The following RPS6KA2 variants were observed in gnomAD, a reference collection of about 807,000 sequenced individuals.
The protein encoded by RPS6KA2 is ribosomal protein S6 kinase alpha-2.
A neutral mutation model predicts 91.8 loss-of-function variants in RPS6KA2; 42 were observed. That is an observed-to-expected ratio of 0.46 (90% CI 0.36 to 0.59). The LOEUF (loss-of-function observed/expected upper bound fraction) is 0.59, where lower values mean the gene tolerates loss of function less well. Among genes scored for constraint, RPS6KA2 ranks in the 20% least tolerant of loss-of-function variants. The probability of loss-of-function intolerance (pLI) is 0.00; values close to 1 mark genes in which losing one functional copy is unlikely to be tolerated. For missense variants in RPS6KA2, 798 were observed against 978.5 expected, an observed-to-expected ratio of 0.82 and a Z score of 2.46; for synonymous variants, 414 against 393.6, an observed-to-expected ratio of 1.05 and a Z score of -0.61.
chr6:166,795,890 G>A (rs1779210536), intron 2 of RPS6KA2, among the ~76,000 whole-genome samples: 1 of 152,332 alleles, frequency 6.6e-6, no homozygotes, highest in Admixed American at 6.5e-5. Context: ...CCAGGCAGTG[G>A]GCTGAGTTGT....
At position 166,563,105 on chromosome 6, in the gene RPS6KA2, T is replaced by C. The variant is rs888523478; in HGVS notation, c.100-24321A>G. Among the ~76,000 whole-genome samples, 1 of 152,154 alleles carries C rather than the reference T, an allele frequency of 6.6e-6. No homozygotes were observed. The highest frequency in any genetic ancestry group is 2.4e-5 in the African/African-American group (1 of 41,430). On this transcript the variant is annotated intron_variant, in intron 1 of 20. Coordinates refer to ENST00000265678, the MANE Select transcript of RPS6KA2 (RefSeq NM_021135.6). This position sits in a 1 kb window ranked among gnomAD's most constrained non-coding sequence, Gnocchi z 4.1. ...TTAGTCCTTGGAGTCCCTTCCAGTG[T>C]GTGGAAGAGATCCAGCCTGCAATGA...
intron 1 of RPS6KA2, among the ~76,000 whole-genome samples, chr6:166,564,454 G>A (rs552375272): frequency 9.9e-5 from 15 of 152,272 alleles, no homozygotes; most frequent in Admixed American, 6.5e-4. Flanking sequence ...CTTCTGTGCC[G>A]CTCTTCCAAA....
exon 1 of RPS6KA2, chr6:166,862,271 A>T: frequency 3.8e-6 from 6 of 1,595,004 alleles, no homozygotes; most frequent in Non-Finnish European, 5.1e-6. Context: ...GGATGTCGGA[A>T]GCCAAGGGAC....
intron 2 of RPS6KA2, among the ~76,000 whole-genome samples, chr6:166,536,784 A>T (rs996616509): frequency 2.0e-5 from 3 of 152,038 alleles, no homozygotes; most frequent in Non-Finnish European, 4.4e-5. Context: ...TCCCCTACCT[A>T]CTACTGTTCT....
chr6:166,564,280 C>G (rs1784428125), intron 1 of RPS6KA2, among the ~76,000 whole-genome samples: 1 of 152,230 alleles, frequency 6.6e-6, no homozygotes, highest in African/African-American at 2.4e-5. Context: ...CAAATCCTTA[C>G]CGTTTCTGCC....
intron 2 of RPS6KA2, among the ~76,000 whole-genome samples, chr6:166,769,138 G>C (rs1265886647): frequency 6.6e-6 from 1 of 152,200 alleles, no homozygotes; most frequent in Non-Finnish European, 1.5e-5. Flanking sequence ...ACCAATGGCT[G>C]TGCCATTGGC....
chr6:166,418,342 T>A lies in RPS6KA2; in HGVS notation c.1821A>T (p.Gly607=). ...LGILLYTMLA[G]FTPFANGPDD... Reference sequence around the variant, plus strand: ...CTGGCCCATTTGCAAAAGGGGTAAATCTGTATAATTAGACAAATTTGTGGT... The same window carrying A: ...CTGGCCCATTTGCAAAAGGGGTAAAACTGTATAATTAGACAAATTTGTGGT... Residue 607 remains glycine (G), a splice_region_variant and synonymous_variant, in exon 19 of 21, where the codon GGA becomes GGT. Transcript: ENST00000265678. This position sits in a 1 kb window ranked among gnomAD's most constrained non-coding sequence, Gnocchi z 4.9. 1 of 1,606,768 alleles carries A rather than the reference T, an allele frequency of 6.2e-7. No individual in the cohort carries two copies. Among genetic ancestry groups the A allele is most frequent in the Non-Finnish European group, 8.5e-7 (1 of 1,176,140 alleles).
intron 2 of RPS6KA2, among the ~76,000 whole-genome samples, chr6:166,659,113 A>T (rs374213753): frequency 1.3e-4 from 20 of 152,284 alleles, no homozygotes; most frequent in Middle Eastern, 3.4e-3. Flanking sequence ...TCACCAACTG[A>T]CTGTGCAAAT....
chr6:166,453,657 G>A lies in RPS6KA2; in HGVS notation c.1076-2424C>T, dbSNP rs191731491. On this transcript the variant is annotated intron_variant, in intron 12 of 20. Coordinates refer to ENST00000265678, the MANE Select transcript of RPS6KA2 (RefSeq NM_021135.6). Reference sequence around the variant, plus strand: ...AAAAACAGTACGGAAATTTCTCAAAGAACTAAATGGAACTATATTCGATGC... The same window carrying A: ...AAAAACAGTACGGAAATTTCTCAAAAAACTAAATGGAACTATATTCGATGC... Among the ~76,000 whole-genome samples, 88 of 152,310 alleles carry A rather than the reference G, an allele frequency of 5.8e-4. 1 individual carries two copies. The highest frequency in any genetic ancestry group is 5.7e-3 in the Admixed American group (88 of 15,306).
intron 2 of RPS6KA2, among the ~76,000 whole-genome samples, chr6:166,711,757 A>G (rs534765039): frequency 1.7e-4 from 25 of 146,382 alleles, no homozygotes; most frequent in African/African-American, 5.7e-4. Flanking sequence ...GAAAGAACAT[A>G]AATAAATAAA....
intron 2 of RPS6KA2, among the ~76,000 whole-genome samples, chr6:166,827,490 CA>C (rs1780079441): frequency 6.6e-6 from 1 of 152,176 alleles, no homozygotes; most frequent in Non-Finnish European, 1.5e-5. Context: ...TGAATATATA[CA>C]TAGTTTACTA....
At chr6:166,749,769 C>CCCCACCTCCTCAGGCT (rs1791217783) in intron 2 of RPS6KA2, among the ~76,000 whole-genome samples, 1 of 141,880 alleles carries the variant, frequency 7.0e-6, no homozygotes, top group Non-Finnish European at 1.5e-5. Context: ...CTCCTCAGGC[C>CCCCACCTCCTCAGGCT]CCCATTTCCT....
At chr6:166,517,071 T>C (rs945405526) in intron 3 of RPS6KA2, among the ~76,000 whole-genome samples, 3 of 152,206 alleles carry the variant, frequency 2.0e-5, no homozygotes, top group East Asian at 1.9e-4. Flanking sequence ...AGATGTCTTA[T>C]ATTCAAATTT....
chr6:166,764,856 CACA>C (rs1364191858), intron 2 of RPS6KA2, among the ~76,000 whole-genome samples: 5 of 152,238 alleles, frequency 3.3e-5, no homozygotes, highest in South Asian at 2.1e-4. Context: ...TTACACACTA[CACA>C]ACGTGTGTGT....
At chr6:166,684,027 C>G (rs920118035) in intron 2 of RPS6KA2, among the ~76,000 whole-genome samples, 2 of 152,120 alleles carry the variant, frequency 1.3e-5, no homozygotes, top group Non-Finnish European at 2.9e-5. Flanking sequence ...TGTAGGAACC[C>G]AAGATAACTG....
intron 2 of RPS6KA2, among the ~76,000 whole-genome samples, chr6:166,646,571 G>T (rs981998748): frequency 2.0e-5 from 3 of 152,240 alleles, no homozygotes; most frequent in African/African-American, 7.2e-5. Context: ...GCATGCCTTG[G>T]CTGGGGCCCC....
chr6:166,706,647 G>A (rs1002491891), intron 2 of RPS6KA2, among the ~76,000 whole-genome samples: 1 of 152,160 alleles, frequency 6.6e-6, no homozygotes, highest in Admixed American at 6.5e-5. Context: ...AGCCCTCCAC[G>A]ACTGGATGGG....
At chr6:166,464,241 G>A (rs892830865) in intron 11 of RPS6KA2, among the ~76,000 whole-genome samples, 1 of 152,126 alleles carries the variant, frequency 6.6e-6, no homozygotes, top group Non-Finnish European at 1.5e-5. Context: ...CAACAGCCAA[G>A]TTCAGGGCAC....
At chr6:166,848,161 C>T (rs1195736107) in intron 2 of RPS6KA2, among the ~76,000 whole-genome samples, 1 of 152,192 alleles carries the variant, frequency 6.6e-6, no homozygotes, top group Non-Finnish European at 1.5e-5. Flanking sequence ...AAAAATGCTT[C>T]AACATCACTT....
Sources: gnomAD v4.1 joint callset for allele counts (sites outside exome capture counted in the v4.1 genomes callset) on GRCh38, gnomAD v4.1.1 for gene constraint, Gnocchi (gnomAD v3.1) non-coding constraint, MANE v1.5 for transcripts, NCBI Gene and HGNC (gene_info 2026-07-23, HGNC 2026-07-21) for gene names.